CYSTM1: variants seen among roughly 807,000 people sequenced by gnomAD.
CYSTM1 encodes cysteine rich transmembrane module containing 1.
A neutral mutation model predicts 13.1 loss-of-function variants in CYSTM1; 4 were observed. The ratio of observed to expected loss-of-function variants is 0.31; its 90% CI spans 0.15 to 0.70. The LOEUF (loss-of-function observed/expected upper bound fraction) is 0.70. Among genes scored for constraint, CYSTM1 ranks in the 30% least tolerant of loss-of-function variants. The probability of loss-of-function intolerance (pLI) is 0.72; values close to 1 mark genes in which losing one functional copy is unlikely to be tolerated. For synonymous variants in CYSTM1, 36 were observed against 42.7 expected (o/e 0.84, Z 0.62); for missense variants, 96 against 121.6 (o/e 0.79, Z 0.99).
At chr5:140,191,955 A>T (rs1290118182) in intron 1 of CYSTM1, among the ~76,000 whole-genome samples, 1 of 152,196 alleles carries the variant, frequency 6.6e-6, no homozygotes, top group Non-Finnish European at 1.5e-5. Context: ...AATCACCATG[A>T]GCCTTTGCAT....
At chr5:140,198,910 C>A (rs1004819946) in intron 2 of CYSTM1, among the ~76,000 whole-genome samples, 3 of 152,138 alleles carry the variant, frequency 2.0e-5, no homozygotes, top group Non-Finnish European at 4.4e-5. Flanking sequence ...GTTTGCTGCA[C>A]CCGTCATCTA....
At chr5:140,218,759 T>C (rs1764458892) in intron 2 of CYSTM1, among the ~76,000 whole-genome samples, 1 of 152,244 alleles carries the variant, frequency 6.6e-6, no homozygotes, top group Non-Finnish European at 1.5e-5. Context: ...AAGTGTGCTA[T>C]ATACGGGGCT....
intron 2 of CYSTM1, among the ~76,000 whole-genome samples, chr5:140,210,189 C>T (rs1258075254): frequency 6.6e-6 from 1 of 152,192 alleles, no homozygotes; most frequent in Non-Finnish European, 1.5e-5. Context: ...TACCTGGCTA[C>T]CACTATAATG....
intron 2 of CYSTM1, chr5:140,203,204 A>C (rs1764252767): frequency 6.6e-6 from 1 of 152,248 alleles, no homozygotes; most frequent in African/African-American, 2.4e-5. Context: ...GAAATGAAAC[A>C]AAAAACTTTC....
chr5:140,218,282 A>G (rs1764454929), intron 2 of CYSTM1, among the ~76,000 whole-genome samples: 1 of 152,072 alleles, frequency 6.6e-6, no homozygotes, highest in Non-Finnish European at 1.5e-5. Context: ...ACTCCAGTTC[A>G]TTGTGTAAAA....
intron 2 of CYSTM1, among the ~76,000 whole-genome samples, chr5:140,221,136 C>A (rs1764483610): frequency 1.3e-5 from 2 of 152,166 alleles, no homozygotes; most frequent in South Asian, 2.1e-4. Context: ...TGCACCACTG[C>A]ACTCCAGACT....
intron 1 of CYSTM1, among the ~76,000 whole-genome samples, chr5:140,193,606 G>A (rs139254415): frequency 1.8e-4 from 27 of 152,284 alleles, no homozygotes; most frequent in African/African-American, 5.5e-4. Flanking sequence ...GAAAGTCACC[G>A]TGCCAGGCAC....
intron 2 of CYSTM1, among the ~76,000 whole-genome samples, 194 bp from the exon 3 acceptor site, chr5:140,243,111 G>A (rs1764770697): frequency 1.3e-5 from 2 of 152,216 alleles, no homozygotes; most frequent in African/African-American, 4.8e-5. Flanking sequence ...AGTCTGGAGT[G>A]GCAGGAGGGA....
intron 2 of CYSTM1, among the ~76,000 whole-genome samples, chr5:140,226,098 A>C (rs1265417642): frequency 6.6e-6 from 1 of 152,194 alleles, no homozygotes; most frequent in Non-Finnish European, 1.5e-5. Flanking sequence ...AATAATAGTA[A>C]TAACATCAGT....
chr5:140,241,178 AG>A (rs765902583), intron 2 of CYSTM1, among the ~76,000 whole-genome samples: 3 of 152,192 alleles, frequency 2.0e-5, no homozygotes, highest in Non-Finnish European at 4.4e-5. Flanking sequence ...ATTAAACTGG[AG>A]GAAAAAGGTG....
chr5:140,175,205 T>A lies in CYSTM1; in HGVS notation c.-101T>A, dbSNP rs767447766. ...TGCTCCTCACTTGCTCTGAGACAGG[T>A]GCGGCAAGTCTACTGCGGGCTGGTC... On this transcript the variant is annotated 5_prime_UTR_variant, in exon 1 of 3. Transcript: ENST00000261811. The surrounding 1 kb of genome is among the most constrained non-coding windows in gnomAD (Gnocchi z 4.9). 2 of 152,140 alleles carry A rather than the reference T, an allele frequency of 1.3e-5. No individual in the cohort carries two copies. Among genetic ancestry groups the A allele is most frequent in the Admixed American group, 6.5e-5 (1 of 15,282 alleles). The allele number at this position is 152,140 out of a possible 1,614,324, so 9.4% of individuals were successfully genotyped here.
intron 2 of CYSTM1, among the ~76,000 whole-genome samples, chr5:140,196,033 T>A (rs1764153020): frequency 6.7e-6 from 1 of 149,562 alleles, no homozygotes; most frequent in Admixed American, 6.7e-5. Context: ...ACAGTGAGAC[T>A]CCATCTCAAA....
At chr5:140,182,611 TG>T (rs1763972007) in intron 1 of CYSTM1, among the ~76,000 whole-genome samples, 1 of 151,038 alleles carries the variant, frequency 6.6e-6, no homozygotes, top group Non-Finnish European at 1.5e-5. Flanking sequence ...AGATCTTTCT[TG>T]GGGGGCAGGA....
chr5:140,206,068 G>C (rs184744626), intron 2 of CYSTM1, among the ~76,000 whole-genome samples: 1 of 152,084 alleles, frequency 6.6e-6, no homozygotes, highest in African/African-American at 2.4e-5. Flanking sequence ...TTGCCCCTGC[G>C]CCCTCTGCTC....
intron 2 of CYSTM1, among the ~76,000 whole-genome samples, chr5:140,238,431 G>A (rs968421115): frequency 2.0e-5 from 3 of 152,178 alleles, no homozygotes; most frequent in South Asian, 2.1e-4. Flanking sequence ...CAGAAGCTGG[G>A]CTGGTCCCTC....
intron 1 of CYSTM1, among the ~76,000 whole-genome samples, chr5:140,191,006 T>C (rs1164773418): frequency 6.6e-6 from 1 of 152,212 alleles, no homozygotes; most frequent in African/African-American, 2.4e-5. Flanking sequence ...TTATGTAAAG[T>C]GGTTTGTACT....
chr5:140,185,789 T>G (rs1359185715), intron 1 of CYSTM1, among the ~76,000 whole-genome samples: 3 of 152,238 alleles, frequency 2.0e-5, no homozygotes, highest in Admixed American at 6.5e-5. Flanking sequence ...CCTACAGTTC[T>G]GGAATGCCTA....
At chr5:140,210,978 G>C (rs1445458009) in intron 2 of CYSTM1, among the ~76,000 whole-genome samples, 1 of 152,172 alleles carries the variant, frequency 6.6e-6, no homozygotes, top group Non-Finnish European at 1.5e-5. Context: ...TGACTGGACA[G>C]GCTGTGTTTC....
In CYSTM1 at chr5:140,214,834, G is replaced by A. The variant is rs190471369; in HGVS notation, c.187+20182G>A. Among the ~76,000 whole-genome samples, 509 of 152,334 alleles carry A rather than the reference G, an allele frequency of 3.3e-3. 3 individuals are homozygous for A. Among genetic ancestry groups the A allele is most frequent in the Middle Eastern group, 0.014 (4 of 294 alleles). On this transcript the variant is annotated intron_variant, in intron 2 of 2. Transcript: ENST00000261811. ...CCAGGCATTGTCGGGACCTCCCTAT[G>A]TCAGCTGCACTCTGCAGAGCAAGTC...
Sources: gnomAD v4.1 joint callset for allele counts (sites outside exome capture counted in the v4.1 genomes callset) on GRCh38, gnomAD v4.1.1 for gene constraint, Gnocchi (gnomAD v3.1) non-coding constraint, MANE v1.5 for transcripts, NCBI Gene and HGNC (gene_info 2026-07-23, HGNC 2026-07-21) for gene names.